PCDHAC1: variants seen among roughly 807,000 people sequenced by gnomAD.
PCDHAC1 encodes protocadherin alpha-C1.
In PCDHAC1, 42 loss-of-function variants were observed where a neutral mutation model predicts 60.0. The observed-to-expected ratio is 0.70, with a 90% CI of 0.55 to 0.90. PCDHAC1 has a LOEUF of 0.90. PCDHAC1 is among the 40% of genes least tolerant of loss of function. The probability of loss-of-function intolerance (pLI) is 0.00; values close to 1 mark genes in which losing one functional copy is unlikely to be tolerated. For missense variants in PCDHAC1, 1,160 were observed against 1,222.3 expected (o/e 0.95, Z 0.76); for synonymous variants, 468 against 499.3 (o/e 0.94, Z 0.84).
At chr5:141,004,976 A>G (rs1554259837) in intron 3 of PCDHAC1, among the ~76,000 whole-genome samples, 1 of 152,248 alleles carries the variant, frequency 6.6e-6, no homozygotes, top group Non-Finnish European at 1.5e-5. Flanking sequence ...GTAAATTTGC[A>G]GTATCATTAT....
intron 3 of PCDHAC1, among the ~76,000 whole-genome samples, chr5:140,986,342 C>G (rs1390823261): frequency 4.6e-5 from 7 of 152,184 alleles, no homozygotes; most frequent in African/African-American, 1.7e-4. Flanking sequence ...ACAGTTGCAG[C>G]CTCTTCTTCA....
rs781792274 is a variant in PCDHAC1 at position 140,927,895 on chromosome 5, G to C, written c.1003G>C (p.Asp335His). ...KLLVEVTDVNDHAPELDFLTL... is the reference protein window; with the variant it reads ...KLLVEVTDVNHHAPELDFLTL... ...GCTGGTGGAGGTGACTGACGTGAAC[G>C]ATCATGCCCCCGAACTGGACTTCCT... The change falls in exon 1 of 4, where the codon GAT (aspartate) becomes CAT (histidine). Residue 335 changes from aspartate to histidine, a missense_variant. Coordinates refer to ENST00000253807, the MANE Select transcript of PCDHAC1 (RefSeq NM_018898.5). The C allele has an allele frequency of 3.7e-6, 6 of 1,614,074 alleles. No homozygotes were observed. The South Asian group carries it at 6.6e-5, about 18-fold the overall frequency.
At chr5:141,005,689 G>A (rs980293858) in intron 3 of PCDHAC1, among the ~76,000 whole-genome samples, 12 of 95,950 alleles carry the variant, frequency 1.3e-4, no homozygotes, top group African/African-American at 4.3e-4. Context: ...GCGACAGAGC[G>A]AAACTCCGTC....
At chr5:141,000,398 T>TAA in intron 3 of PCDHAC1, among the ~76,000 whole-genome samples, 1 of 55,032 alleles carries the variant, frequency 1.8e-5, no homozygotes, top group African/African-American at 7.5e-5. Flanking sequence ...TCTCTCTCTA[T>TAA]ATATATATAT....
intron 1 of PCDHAC1, chr5:140,966,570 G>A: frequency 2.0e-6 from 1 of 501,774 alleles, no homozygotes; most frequent in Non-Finnish European, 3.3e-6. Context: ...GGAATATGGG[G>A]AGTCAGCGAG....
At chr5:140,982,097 C>A (rs1313290841) in intron 2 of PCDHAC1, among the ~76,000 whole-genome samples, 1 of 152,194 alleles carries the variant, frequency 6.6e-6, no homozygotes, top group Non-Finnish European at 1.5e-5. Flanking sequence ...AACAAGAGAA[C>A]CTGCAAGAGA....
intron 3 of PCDHAC1, among the ~76,000 whole-genome samples, chr5:140,997,668 T>TTG (rs35184029): frequency 0.084 from 12,442 of 148,286 alleles, 534 homozygotes; most frequent in Admixed American, 0.1. Flanking sequence ...ATTATACAGC[T>TTG]TGTGTGTGTG....
Position 140,929,010 on chromosome 5 carries a change from G to A in PCDHAC1, c.2118G>A (p.Lys706=). ...LGCLLFFVCT[K]LHQSPGCCAQ... ...GCTTACTTTTCTTCGTGTGTACCAA[G>A]TTGCACCAGAGCCCAGGCTGTTGCG... The change falls in exon 1 of 4, where the codon AAG becomes AAA. Residue 706 remains lysine (K), a synonymous_variant. Coordinates refer to ENST00000253807, the MANE Select transcript of PCDHAC1 (RefSeq NM_018898.5). The A allele has an allele frequency of 1.2e-6, 2 of 1,614,128 alleles. No individual in the cohort carries two copies. The highest frequency in any genetic ancestry group is 1.7e-6 in the Non-Finnish European group (2 of 1,180,028).
At chr5:140,939,335 T>A (rs1195092720) in intron 1 of PCDHAC1, among the ~76,000 whole-genome samples, 2 of 152,080 alleles carry the variant, frequency 1.3e-5, no homozygotes, top group Non-Finnish European at 2.9e-5. Context: ...ATCTTAGGGG[T>A]TAGCATTTCA....
At chr5:140,991,025 A>G (rs1440890555) in intron 3 of PCDHAC1, among the ~76,000 whole-genome samples, 2 of 152,208 alleles carry the variant, frequency 1.3e-5, no homozygotes, top group African/African-American at 4.8e-5. Flanking sequence ...CACTTTACAT[A>G]TGTTGCATAC....
chr5:140,976,511 A>G (rs1216804890), intron 1 of PCDHAC1, among the ~76,000 whole-genome samples: 1 of 152,148 alleles, frequency 6.6e-6, no homozygotes, highest in Non-Finnish European at 1.5e-5. Flanking sequence ...AGATCGCGCC[A>G]CTGCACACCA....
intron 3 of PCDHAC1, among the ~76,000 whole-genome samples, chr5:140,998,919 A>G (rs781864069): frequency 6.6e-6 from 1 of 152,248 alleles, no homozygotes; most frequent in Non-Finnish European, 1.5e-5. Flanking sequence ...TAGCTATTAT[A>G]TCCATTTTAC....
At chr5:140,936,762 G>A (rs190223178) in intron 1 of PCDHAC1, among the ~76,000 whole-genome samples, 224 of 152,210 alleles carry the variant, frequency 1.5e-3, no homozygotes, top group Non-Finnish European at 2.6e-3. Context: ...ATATCTAATT[G>A]TGTAAGTTCT....
chr5:140,997,156 C>G (rs1266627646), intron 3 of PCDHAC1, among the ~76,000 whole-genome samples: 1 of 152,106 alleles, frequency 6.6e-6, no homozygotes, highest in Non-Finnish European at 1.5e-5. Flanking sequence ...CAGTGACATC[C>G]TGCCCAGAGT....
At chr5:140,955,720 T>C (rs921545021) in intron 1 of PCDHAC1, among the ~76,000 whole-genome samples, 7 of 152,354 alleles carry the variant, frequency 4.6e-5, no homozygotes, top group East Asian at 1.9e-4. Flanking sequence ...AGGAATACCA[T>C]TGAATCTATA....
chr5:140,927,790 G>C lies in PCDHAC1; in HGVS notation c.898G>C (p.Gly300Arg). The change falls in exon 1 of 4, where the codon GGT becomes CGT. Residue 300 changes from glycine to arginine, a missense_variant. Coordinates refer to ENST00000253807, the MANE Select transcript of PCDHAC1 (RefSeq NM_018898.5). ...GGAGGTGCAAGTAGCTGCTTCACTAGGTCCGCCTGAAACGCTCTTGGAGGC... is the reference window on the plus strand; with the variant it reads ...GGAGGTGCAAGTAGCTGCTTCACTACGTCCGCCTGAAACGCTCTTGGAGGC... ...SGEVQVAASL[G>R]PPETLLEAYI... 6.2e-7 allele frequency: 1 copy of C among 1,614,218 alleles called. No homozygotes were observed. Among genetic ancestry groups the C allele is most frequent in the Non-Finnish European group, 8.5e-7 (1 of 1,180,036 alleles).
At chr5:140,976,970 C>A (rs1294728864) in intron 1 of PCDHAC1, among the ~76,000 whole-genome samples, 3 of 152,140 alleles carry the variant, frequency 2.0e-5, no homozygotes, top group African/African-American at 7.2e-5. Context: ...CTTTCCTTTT[C>A]CCTGCCTGAT....
chr5:140,928,397 C>T lies in PCDHAC1; in HGVS notation c.1505C>T (p.Ser502Leu). The change falls in exon 1 of 4, where the codon TCA (serine) becomes TTA (leucine). Residue 502 changes from serine (S) to leucine (L), a missense_variant. Physicochemically the swap from Ser to Leu is moderately radical, Grantham distance 145. Coordinates refer to ENST00000253807, the MANE Select transcript of PCDHAC1 (RefSeq NM_018898.5). ...PSASSLLAVE[S>L]SSGAITAKTS... Reference sequence around the variant, plus strand: ...GCCTCTAGCTTGCTGGCAGTGGAATCATCCAGTGGGGCCATCACTGCCAAA... The same window carrying T: ...GCCTCTAGCTTGCTGGCAGTGGAATTATCCAGTGGGGCCATCACTGCCAAA... 6.2e-7 allele frequency: 1 copy of T among 1,614,082 alleles called. No individual in the cohort carries two copies. The highest frequency in any genetic ancestry group is 2.2e-5 in the East Asian group (1 of 44,860).
chr5:140,979,359 T>C (rs1554240585), intron 2 of PCDHAC1, among the ~76,000 whole-genome samples: 1 of 152,206 alleles, frequency 6.6e-6, no homozygotes, highest in Non-Finnish European at 1.5e-5. Context: ...TACTCATGCT[T>C]TGAGACTTGG....
Sources: gnomAD v4.1 joint callset for allele counts (sites outside exome capture counted in the v4.1 genomes callset) on GRCh38, gnomAD v4.1.1 for gene constraint, MANE v1.5 for transcripts, NCBI Gene and HGNC (gene_info 2026-07-23, HGNC 2026-07-21) for gene names.